The following BIN1 variants were observed in gnomAD, a reference collection of about 807,000 sequenced individuals.
BIN1 encodes myc box-dependent-interacting protein 1.
BIN1 carries 53 observed loss-of-function variants against 82.0 expected under a neutral mutation model. The ratio of observed to expected loss-of-function variants is 0.65; its 90% CI spans 0.52 to 0.81. BIN1 has a LOEUF of 0.81. Among genes scored for constraint, BIN1 ranks in the 40% least tolerant of loss-of-function variants. The pLI, the probability that BIN1 is intolerant of heterozygous loss-of-function variation, is 0.00. For missense variants in BIN1, 642 were observed against 784.4 expected (o/e 0.82, Z 2.17); for synonymous variants, 302 against 328.0 (o/e 0.92, Z 0.86).
Position 127,050,820 on chromosome 2 carries a change from G to C in BIN1, c.1554C>G (p.Pro518=). 6.2e-7 allele frequency: 1 copy of C among 1,613,664 alleles called. No individual in the cohort carries two copies. Residue 518 remains proline (P), a synonymous_variant, in exon 17 of 19, where the codon CCC becomes CCG. Transcript: ENST00000316724. The part of the protein sequence containing the change: ...GGSGAGRLDL[P]PGFMFKVQAQ... ...GGCTCACCTTGAACATGAAACCTGGGGGCAGGTCCAAGCGCCCGGCCCCAC... is the reference window on the plus strand; with the variant it reads ...GGCTCACCTTGAACATGAAACCTGGCGGCAGGTCCAAGCGCCCGGCCCCAC...
intron 12 of BIN1, chr2:127,056,610 A>G (rs1291295343): frequency 6.6e-6 from 1 of 152,242 alleles, no homozygotes; most frequent in Non-Finnish European, 1.5e-5. Context: ...AGCCTTCCCT[A>G]CAGGCGAGGC....
At chr2:127,078,184 T>TG (rs1558850671) in intron 1 of BIN1, among the ~76,000 whole-genome samples, 2 of 151,272 alleles carry the variant, frequency 1.3e-5, no homozygotes, top group Non-Finnish European at 2.9e-5. Flanking sequence ...CTGCTGCACT[T>TG]CCCCCCCCAG....
rs1002718860 is a variant in BIN1 at position 127,067,676 on chromosome 2, A to G, written c.612+487T>C. Among the ~76,000 whole-genome samples the G allele has an allele frequency of 1.3e-5, 2 of 152,138 alleles. No homozygotes were observed. The highest frequency in any genetic ancestry group is 3.9e-4 in the East Asian group (2 of 5,190). ...AGGGGCTTCAGTCAGGAGAGCCCCAACCCTGCCCCTAACCGGCTCTGGGGC... is the reference window on the plus strand; with the variant it reads ...AGGGGCTTCAGTCAGGAGAGCCCCAGCCCTGCCCCTAACCGGCTCTGGGGC... On this transcript the variant is annotated intron_variant, in intron 7 of 18. Coordinates refer to ENST00000316724, the MANE Select transcript of BIN1 (RefSeq NM_139343.3). The surrounding 1 kb of genome is among the most constrained non-coding windows in gnomAD (Gnocchi z 4.7).
chr2:127,054,837 TG>T (rs1212329867), intron 12 of BIN1: 2 of 152,114 alleles, frequency 1.3e-5, no homozygotes, highest in African/African-American at 4.8e-5. Context: ...CCCCATAAGC[TG>T]GGCCAGACTA....
At position 127,079,997 on chromosome 2, in the gene BIN1, G is replaced by A. The variant is rs189265032; in HGVS notation, c.85-3291C>T. 9.8e-4 allele frequency among the ~76,000 whole-genome samples: 149 copies of A among 152,350 alleles called. 1 individual carries two copies. Among genetic ancestry groups the A allele is most frequent in the Admixed American group, 4.1e-3 (62 of 15,306 alleles). ...AAGCTCTCAGTGCTCCAGTGCCCCC[G>A]CCTTGGAAATGGGAGGAATAACAAG... On this transcript the variant is annotated intron_variant, in intron 1 of 18. Coordinates refer to ENST00000316724, the MANE Select transcript of BIN1 (RefSeq NM_139343.3).
intron 1 of BIN1, among the ~76,000 whole-genome samples, chr2:127,078,594 C>T (rs924327136): frequency 1.3e-5 from 2 of 152,116 alleles, no homozygotes; most frequent in Non-Finnish European, 1.5e-5. Context: ...TGTGCTACAG[C>T]GGTCGGGACA....
rs34767629 is a variant in BIN1 at position 127,088,740 on chromosome 2, TA to T, written c.85-12035del. Reference sequence around the variant, plus strand: ...GGCGACAGAGCAAGACCGTATCTCTTAAAAAAAAAAAAAAAGAGAGACACTG... The same window carrying T: ...GGCGACAGAGCAAGACCGTATCTCTTAAAAAAAAAAAAAAGAGAGACACTG... On this transcript the variant is annotated intron_variant, in intron 1 of 18. Transcript: ENST00000316724. 5.0e-3 allele frequency among the ~76,000 whole-genome samples: 695 copies of T among 138,262 alleles called. 3 individuals carry two copies. Among genetic ancestry groups the T allele is most frequent in the Middle Eastern group, 0.011 (3 of 284 alleles). The allele number at this position is 138,262 out of a possible 152,430, so 90.7% of individuals were successfully genotyped here.
At position 127,048,233 on chromosome 2, in the gene BIN1, C is replaced by T. The variant is rs1040345407; in HGVS notation, c.*293G>A. 10 of 436,320 alleles carry T rather than the reference C, an allele frequency of 2.3e-5. No individual in the cohort carries two copies. The highest frequency in any genetic ancestry group is 1.8e-4 in the African/African-American group (9 of 49,782). The allele number at this position is 436,320 out of a possible 1,614,324, so 27.0% of individuals were successfully genotyped here. A position where few individuals can be genotyped will look rare whatever the true frequency, so the allele number is the denominator to read the frequency against. On this transcript the variant is annotated 3_prime_UTR_variant, in exon 19 of 19. Coordinates refer to ENST00000316724, the MANE Select transcript of BIN1 (RefSeq NM_139343.3). ...GGCAAGCATGGTGGCTCGGCAGCCCCCAGCCCCGCCCTGCGGCCAGGCACA... is the reference window on the plus strand; with the variant it reads ...GGCAAGCATGGTGGCTCGGCAGCCCTCAGCCCCGCCCTGCGGCCAGGCACA...
Position 127,068,122 on chromosome 2 carries a change from C to G in BIN1, c.612+41G>C. On this transcript the variant is annotated intron_variant, in intron 7 of 18. Coordinates refer to ENST00000316724, the MANE Select transcript of BIN1 (RefSeq NM_139343.3). This position sits in a 1 kb window ranked among gnomAD's most constrained non-coding sequence, Gnocchi z 4.9. Reference sequence around the variant, plus strand: ...AGGGCGAGAGGACAGGACGACAGACCGGAAGGCGCCAGCACGTGCAAGGTT... The same window carrying G: ...AGGGCGAGAGGACAGGACGACAGACGGGAAGGCGCCAGCACGTGCAAGGTT... The G allele has an allele frequency of 6.3e-7, 1 of 1,586,140 alleles. No individual in the cohort carries two copies. The highest frequency in any genetic ancestry group is 8.6e-7 in the Non-Finnish European group (1 of 1,161,314).
intron 1 of BIN1, among the ~76,000 whole-genome samples, chr2:127,089,975 A>C (rs1481021107): frequency 4.4e-5 from 2 of 45,054 alleles, no homozygotes; most frequent in African/African-American, 9.3e-5. Flanking sequence ...CCTAGTCCCC[A>C]ACGCCCTACT....
At chr2:127,105,418 C>T (rs944116261) in intron 1 of BIN1, among the ~76,000 whole-genome samples, 1 of 151,690 alleles carries the variant, frequency 6.6e-6, no homozygotes, top group African/African-American at 2.4e-5. Context: ...CCCCACCCCA[C>T]AACCTGAAGT....
intron 1 of BIN1, among the ~76,000 whole-genome samples, chr2:127,083,371 G>A (rs1011799700): frequency 1.3e-5 from 2 of 152,040 alleles, no homozygotes; most frequent in Non-Finnish European, 2.9e-5. Context: ...ACAAGCCACC[G>A]TGCCCAGTCA....
At chr2:127,074,060 G>T (rs1235940190) in intron 2 of BIN1, among the ~76,000 whole-genome samples, 1 of 152,064 alleles carries the variant, frequency 6.6e-6, no homozygotes, top group Non-Finnish European at 1.5e-5. Flanking sequence ...AGGGGTGGGA[G>T]GTTCACTTCT....
In BIN1 at chr2:127,063,633, A is replaced by G; in HGVS notation, c.712T>C (p.Tyr238His). The stretch of plus-strand genomic sequence containing the variant: ...GCGATGCTCTGGAACGTGTTGACGT[A>G]GAAACCTACGCGGCTACAGAAGGGC... ...PSLWNSRVGF[Y>H]VNTFQSIAGL... The change falls in exon 9 of 19, where the codon TAC becomes CAC. Residue 238 changes from tyrosine (Y) to histidine (H), a missense_variant. Coordinates refer to ENST00000316724, the MANE Select transcript of BIN1 (RefSeq NM_139343.3). 6.2e-7 allele frequency: 1 copy of G among 1,613,882 alleles called. No homozygotes were observed. Among genetic ancestry groups the G allele is most frequent in the Non-Finnish European group, 8.5e-7 (1 of 1,179,926 alleles).
chr2:127,054,134 A>T, intron 12 of BIN1, 122 bp from the exon 13 acceptor site: 1 of 769,506 alleles, frequency 1.3e-6, no homozygotes, highest in Non-Finnish European at 2.2e-6. Context: ...CACACCACGC[A>T]TGCAGAGCAA....
chr2:127,099,851 C>G (rs566461414), intron 1 of BIN1, among the ~76,000 whole-genome samples: 251 of 145,122 alleles, frequency 1.7e-3, no homozygotes, highest in African/African-American at 6.0e-3. Context: ...TCGCCCAGGC[C>G]GGAGTGCAGT....
intron 1 of BIN1, among the ~76,000 whole-genome samples, chr2:127,088,795 C>T (rs1678530908): frequency 6.6e-6 from 1 of 151,486 alleles, no homozygotes; most frequent in Non-Finnish European, 1.5e-5. Flanking sequence ...GAGAGGGCGG[C>T]TGCTCTTAGG....
At chr2:127,053,829 G>T in intron 13 of BIN1, 76 bp downstream of exon 13, 3 of 1,421,528 alleles carry the variant, frequency 2.1e-6, no homozygotes, top group Non-Finnish European at 2.9e-6. Flanking sequence ...GGGTCACGTG[G>T]CCAATAGGCA....
Position 127,068,936 on chromosome 2 carries a change from G to A in BIN1, c.507C>T (p.Ala169=). The part of the protein sequence containing the change: ...SLQTAKKKDE[A]KIAKPVSLLE... ...CTCCAGCCCTTACCTTGGCAATTTT[G>A]GCTTCATCCTTCTTTTTGGCAGTTT... Residue 169 remains alanine, a synonymous_variant, in exon 6 of 19, where the codon GCC becomes GCT. Coordinates refer to ENST00000316724, the MANE Select transcript of BIN1 (RefSeq NM_139343.3). The surrounding 1 kb of genome is among the most constrained non-coding windows in gnomAD (Gnocchi z 4.9). 2 of 1,614,126 alleles carry A rather than the reference G, an allele frequency of 1.2e-6. No individual in the cohort carries two copies. The highest frequency in any genetic ancestry group is 1.7e-6 in the Non-Finnish European group (2 of 1,179,976).
Sources: allele counts gnomAD v4.1 joint callset (sites outside exome capture counted in the v4.1 genomes callset), GRCh38; gene constraint gnomAD v4.1.1; non-coding constraint Gnocchi (gnomAD v3.1); transcripts MANE v1.5; gene names NCBI Gene and HGNC (gene_info 2026-07-23, HGNC 2026-07-21).